The following UGT2B11 variants were observed in gnomAD, a reference collection of about 807,000 sequenced individuals.
UGT2B11 encodes UDP-glucuronosyltransferase 2B11.
In UGT2B11, 49 loss-of-function variants were observed where a neutral mutation model predicts 51.7. That is an observed-to-expected ratio of 0.95 (90% CI 0.75 to 1.20). The LOEUF is 1.20. UGT2B11 is among the 50% of genes most tolerant of loss of function. The pLI, the probability that UGT2B11 is intolerant of heterozygous loss-of-function variation, is 0.00. For missense variants in UGT2B11, 810 were observed against 622.1 expected, an observed-to-expected ratio of 1.30 and a Z score of -3.21; for synonymous variants, 273 against 209.0, an observed-to-expected ratio of 1.31 and a Z score of -2.64.
upstream of UGT2B11, among the ~76,000 whole-genome samples, chr4:69,218,631 C>T (rs147504729): frequency 1.5e-3 from 222 of 151,676 alleles, no homozygotes; most frequent in African/African-American, 5.2e-3. Flanking sequence ...GATAAAGGGG[C>T]CTTGATTCAG....
chr4:69,218,635 G>C (rs951492202), upstream of UGT2B11, among the ~76,000 whole-genome samples: 3 of 152,004 alleles, frequency 2.0e-5, no homozygotes, highest in Non-Finnish European at 4.4e-5. Flanking sequence ...AAGGGGCCTT[G>C]ATTCAGACAC....
chr4:69,219,836 G>C, the UGT2B11 span, among the ~76,000 whole-genome samples: 1 of 152,054 alleles, frequency 6.6e-6, no homozygotes, highest in Non-Finnish European at 1.5e-5. Context: ...ATGAAATTTC[G>C]GTGAGGGAAC....
chr4:69,219,608 A>C (rs747144041), upstream of UGT2B11, among the ~76,000 whole-genome samples: 4 of 152,194 alleles, frequency 2.6e-5, no homozygotes, highest in Non-Finnish European at 5.9e-5. Flanking sequence ...GAGGCCTCGC[A>C]ATGATGAGAA....
intron 3 of UGT2B11, among the ~76,000 whole-genome samples, chr4:69,207,053 T>G (rs142286965): frequency 1.2e-3 from 180 of 151,292 alleles, no homozygotes; most frequent in African/African-American, 3.8e-3. Context: ...AATATTACCA[T>G]TATTGTTAAT....
chr4:69,220,257 A>C, the UGT2B11 span, among the ~76,000 whole-genome samples: 2 of 754 alleles, frequency 2.7e-3, no homozygotes, highest in African/African-American at 3.6e-3. Context: ...GGTCTTCGGC[A>C]GTTCAACCCT....
rs1054469446 is a variant in UGT2B11 at position 69,206,261 on chromosome 4, T to C, written c.1003-694A>G. Among the ~76,000 whole-genome samples the C allele has an allele frequency of 7.9e-5, 12 of 151,466 alleles. No individual in the cohort carries two copies. In the South Asian group the frequency reaches 8.3e-4, roughly 10 times the overall value. On this transcript the variant is annotated intron_variant, in intron 3 of 5. Transcript: ENST00000446444. Reference sequence around the variant, plus strand: ...AATTATGGAATGAATAAAGAAAATATGGCATATATACACTACGGAATATTA... The same window carrying C: ...AATTATGGAATGAATAAAGAAAATACGGCATATATACACTACGGAATATTA...
At chr4:69,213,307 T>G (rs1722144213) in intron 1 of UGT2B11, among the ~76,000 whole-genome samples, 1 of 151,784 alleles carries the variant, frequency 6.6e-6, no homozygotes, top group East Asian at 1.9e-4. Context: ...ATTATTGAAA[T>G]AGAGAACTGT....
chr4:69,222,483 A>T, the UGT2B11 span, among the ~76,000 whole-genome samples: 3 of 152,282 alleles, frequency 2.0e-5, no homozygotes, highest in Non-Finnish European at 2.9e-5. Flanking sequence ...GATCTGAGTA[A>T]GTATCCCAAT....
At chr4:69,208,134 C>T (rs990899602) in intron 3 of UGT2B11, among the ~76,000 whole-genome samples, 80 of 151,622 alleles carry the variant, frequency 5.3e-4, no homozygotes, top group Non-Finnish European at 1.0e-3. Context: ...AGGAGCCACT[C>T]ATGAATACCA....
intron 3 of UGT2B11, among the ~76,000 whole-genome samples, chr4:69,207,621 T>G (rs1443796594): frequency 6.6e-6 from 1 of 151,570 alleles, no homozygotes; most frequent in Non-Finnish European, 1.5e-5. Flanking sequence ...TATTTTATAC[T>G]GTACAGGATC....
chr4:69,223,596 T>A, the UGT2B11 span, among the ~76,000 whole-genome samples: 2 of 152,292 alleles, frequency 1.3e-5, no homozygotes, highest in Non-Finnish European at 1.5e-5. Flanking sequence ...GATGCCTGCA[T>A]GCTAAGGCCC....
In UGT2B11 at chr4:69,214,344, A is replaced by C. The variant is rs748745241; in HGVS notation, c.379T>G (p.Cys127Gly). 1.2e-6 allele frequency: 2 copies of C among 1,612,834 alleles called. No homozygotes were observed. The highest frequency in any genetic ancestry group is 1.3e-5 in the African/African-American group (1 of 74,912). ...WELYDIFRNFCKDVVSNKKVM... is the reference protein window; with the variant it reads ...WELYDIFRNFGKDVVSNKKVM... ...TTCTTATTTGAAACTACATCTTTAC[A>C]GAAGTTTCTAAATATGTCATATAAT... The change falls in exon 1 of 6, where the codon TGT (cysteine) becomes GGT (glycine). Residue 127 changes from cysteine to glycine, a missense_variant. Coordinates refer to ENST00000446444, the MANE Select transcript of UGT2B11 (RefSeq NM_001073.3).
chr4:69,216,017 T>G (rs1722263728), upstream of UGT2B11: 1 of 152,050 alleles, frequency 6.6e-6, no homozygotes, highest in Admixed American at 6.6e-5. Context: ...AAATGTGTTT[T>G]GGTACTAAGT....
chr4:69,213,896 C>T (rs1372491979), intron 1 of UGT2B11, 106 bp downstream of exon 1: 4 of 1,395,618 alleles, frequency 2.9e-6, no homozygotes, highest in Admixed American at 5.7e-5. Flanking sequence ...TTCATAAATT[C>T]ACTTACCAAA....
intron 2 of UGT2B11, 66 bp downstream of exon 2, chr4:69,212,507 A>G (rs1470447090): frequency 1.0e-5 from 16 of 1,567,918 alleles, no homozygotes; most frequent in East Asian, 2.3e-5. Flanking sequence ...TTTGAATGAA[A>G]ACTATAGACT....
intron 3 of UGT2B11, among the ~76,000 whole-genome samples, chr4:69,207,410 A>T: frequency 6.6e-6 from 1 of 151,704 alleles, no homozygotes; most frequent in Admixed American, 6.6e-5. Flanking sequence ...GAAATTAAAA[A>T]GTCATTCACA....
intron 5 of UGT2B11, among the ~76,000 whole-genome samples, chr4:69,201,471 C>T (rs563017464): frequency 6.6e-6 from 1 of 151,960 alleles, no homozygotes; most frequent in African/African-American, 2.4e-5. Context: ...ATTTGGTCTA[C>T]AGAACCCTAC....
At chr4:69,201,573 G>T (rs1252590432) in intron 5 of UGT2B11, among the ~76,000 whole-genome samples, 1 of 151,608 alleles carries the variant, frequency 6.6e-6, no homozygotes, top group Admixed American at 6.6e-5. Flanking sequence ...GCTTCCAAAG[G>T]TGTTCTCATC....
chr4:69,205,008 T>TA (rs1241128501), intron 4 of UGT2B11, among the ~76,000 whole-genome samples: 2 of 151,624 alleles, frequency 1.3e-5, no homozygotes, highest in Admixed American at 1.3e-4. Flanking sequence ...CAGCAGGCAG[T>TA]GGGTTGGTGG....
Sources: gnomAD v4.1 joint callset for allele counts (sites outside exome capture counted in the v4.1 genomes callset) on GRCh38, gnomAD v4.1.1 for gene constraint, MANE v1.5 for transcripts, NCBI Gene and HGNC (gene_info 2026-07-23, HGNC 2026-07-21) for gene names.